The following ALOX5 variants were observed in gnomAD, a reference collection of about 807,000 sequenced individuals.
ALOX5 encodes the protein arachidonate 5-lipoxygenase.
A neutral mutation model predicts 87.9 loss-of-function variants in ALOX5; 64 were observed. That is an observed-to-expected ratio of 0.73 (90% CI 0.60 to 0.90). The LOEUF is 0.90. Ranked by LOEUF, ALOX5 falls within the 40% of genes least tolerant of loss-of-function variation. ALOX5 has a pLI of 0.00. For synonymous variants in ALOX5, 388 were observed against 355.1 expected (o/e 1.09, Z -1.04); for missense variants, 822 against 907.5 (o/e 0.91, Z 1.21).
chr10:45,379,386 G>A (rs915516379), intron 1 of ALOX5, among the ~76,000 whole-genome samples: 3 of 152,106 alleles, frequency 2.0e-5, no homozygotes, highest in East Asian at 1.9e-4. Flanking sequence ...AGTCCTCACC[G>A]CACACAGACT....
chr10:45,377,002 G>A (rs1839639045), intron 1 of ALOX5, among the ~76,000 whole-genome samples: 2 of 152,198 alleles, frequency 1.3e-5, no homozygotes, highest in Admixed American at 1.3e-4. Flanking sequence ...AAGTAATTCA[G>A]ATCGGATACG....
intron 2 of ALOX5, among the ~76,000 whole-genome samples, chr10:45,391,146 A>G (rs1185969523): frequency 9.0e-5 from 13 of 143,892 alleles, no homozygotes; most frequent in East Asian, 4.1e-4. Context: ...ATGCCGAGCC[A>G]AAGCTGGACT....
intron 13 of ALOX5, chr10:45,444,585 T>G: frequency 5.0e-6 from 2 of 401,192 alleles, no homozygotes; most frequent in Non-Finnish European, 8.9e-6. Flanking sequence ...ACATGTGTTT[T>G]ACCCTGGTAC....
At position 45,374,434 on chromosome 10, in the gene ALOX5, G is replaced by T; in HGVS notation, c.150+5G>T. 3 of 1,548,680 alleles carry T rather than the reference G, an allele frequency of 1.9e-6. No individual in the cohort carries two copies. The highest frequency in any genetic ancestry group is 1.2e-5 in the South Asian group (1 of 82,664). On this transcript the variant is annotated splice_donor_5th_base_variant and intron_variant, in intron 1 of 13. Transcript: ENST00000374391. ...AACGACTTCGAGCGTGGCGCGGTGA[G>T]CGCGGGCGGGGCACGGGTGGAGCGC... is the stretch of plus-strand genomic sequence containing the variant.
At position 45,443,033 on chromosome 10, in the gene ALOX5, T is replaced by A. The variant is rs779380506; in HGVS notation, c.1273-5T>A. 1 of 1,610,340 alleles carries A rather than the reference T, an allele frequency of 6.2e-7. No homozygotes were observed. The highest frequency in any genetic ancestry group is 8.5e-7 in the Non-Finnish European group (1 of 1,178,256). The stretch of plus-strand genomic sequence containing the variant: ...CCGCTCAGGGCACTCTACCTCCCAC[T>A]CCAGGCCAACGCCACAGGGGGCGGT... On this transcript the variant is annotated splice_polypyrimidine_tract_variant and splice_region_variant and intron_variant, in intron 9 of 13. Transcript: ENST00000374391.
intron 2 of ALOX5, among the ~76,000 whole-genome samples, chr10:45,387,132 C>G (rs1840035858): frequency 6.6e-6 from 1 of 152,190 alleles, no homozygotes; most frequent in Non-Finnish European, 1.5e-5. Context: ...TAGGCATTAT[C>G]ATCTCCATTT....
At chr10:45,387,178 C>T (rs1840038515) in intron 2 of ALOX5, among the ~76,000 whole-genome samples, 1 of 152,192 alleles carries the variant, frequency 6.6e-6, no homozygotes, top group Non-Finnish European at 1.5e-5. Context: ...CTTGGTCACA[C>T]AGCTTCAGTG....
chr10:45,395,636 G>C (rs1334999354), intron 2 of ALOX5, among the ~76,000 whole-genome samples: 1 of 151,976 alleles, frequency 6.6e-6, no homozygotes, highest in African/African-American at 2.4e-5. Flanking sequence ...TCACTAATTA[G>C]GTGTGTGACC....
chr10:45,438,588 G>C (rs1842128582), intron 7 of ALOX5, among the ~76,000 whole-genome samples: 1 of 152,186 alleles, frequency 6.6e-6, no homozygotes, highest in Non-Finnish European at 1.5e-5. Context: ...AAGTGTCTCA[G>C]AGCATGCCAG....
At chr10:45,442,037 ACT>A (rs1180714844) in intron 9 of ALOX5, among the ~76,000 whole-genome samples, 2 of 152,148 alleles carry the variant, frequency 1.3e-5, no homozygotes, top group Non-Finnish European at 2.9e-5. Flanking sequence ...AAGTTGAGAC[ACT>A]GTTTGGGCTG....
intron 10 of ALOX5, 69 bp downstream of exon 10, chr10:45,443,285 C>G: frequency 1.3e-6 from 2 of 1,585,028 alleles, no homozygotes; most frequent in Non-Finnish European, 1.7e-6. Context: ...TGGGGCGGGC[C>G]TGGCCCCTCC....
At chr10:45,412,474 G>C (rs567732167) in intron 4 of ALOX5, among the ~76,000 whole-genome samples, 161 bp downstream of exon 4, 2 of 152,114 alleles carry the variant, frequency 1.3e-5, no homozygotes, top group Non-Finnish European at 2.9e-5. Context: ...GATTCTCAAC[G>C]CACAATTGCA....
intron 2 of ALOX5, among the ~76,000 whole-genome samples, chr10:45,393,196 A>G (rs1473935859): frequency 6.6e-6 from 1 of 152,188 alleles, no homozygotes; most frequent in South Asian, 2.1e-4. Context: ...TCGATGCAAA[A>G]ATCCTCAATA....
chr10:45,423,264 G>A (rs556078278), intron 4 of ALOX5, among the ~76,000 whole-genome samples: 5 of 152,358 alleles, frequency 3.3e-5, no homozygotes, highest in African/African-American at 4.8e-5. Flanking sequence ...GAGCACTGAC[G>A]GTGGAGAGGC....
intron 2 of ALOX5, among the ~76,000 whole-genome samples, chr10:45,387,861 G>A (rs1840059922): frequency 6.6e-6 from 1 of 152,228 alleles, no homozygotes; most frequent in Non-Finnish European, 1.5e-5. Flanking sequence ...CCAGTCTACA[G>A]CTCCCAACAT....
intron 3 of ALOX5, among the ~76,000 whole-genome samples, chr10:45,399,972 T>TA (rs1840642050): frequency 6.6e-6 from 1 of 152,108 alleles, no homozygotes; most frequent in African/African-American, 2.4e-5. Context: ...ATGGTTAGAA[T>TA]AAAAAAGACA....
At chr10:45,421,484 A>C (rs1841506568) in intron 4 of ALOX5, among the ~76,000 whole-genome samples, 1 of 152,350 alleles carries the variant, frequency 6.6e-6, no homozygotes, top group African/African-American at 2.4e-5. Context: ...CTCATCTCCC[A>C]GAAATAAGTT....
intron 4 of ALOX5, among the ~76,000 whole-genome samples, chr10:45,414,004 G>T (rs567132716): frequency 6.6e-6 from 1 of 152,244 alleles, no homozygotes; most frequent in African/African-American, 2.4e-5. Flanking sequence ...CATGAAAATG[G>T]CCATACTCCC....
intron 7 of ALOX5, among the ~76,000 whole-genome samples, chr10:45,435,851 C>G (rs1180609309): frequency 2.0e-5 from 3 of 152,192 alleles, no homozygotes; most frequent in Non-Finnish European, 4.4e-5. Flanking sequence ...TTTGCAAAAT[C>G]TCCAAACTGC....
Sources: gnomAD v4.1 joint callset for allele counts (sites outside exome capture counted in the v4.1 genomes callset) on GRCh38, gnomAD v4.1.1 for gene constraint, MANE v1.5 for transcripts, NCBI Gene and HGNC (gene_info 2026-07-23, HGNC 2026-07-21) for gene names.